Variants in IL6R observed in about 807,000 individuals in gnomAD.
The protein encoded by IL6R is interleukin 6 receptor.
Under a neutral mutation model 48.3 loss-of-function variants are expected in IL6R, and 38 were observed. That is an observed-to-expected ratio of 0.79 (90% CI 0.61 to 1.03). The LOEUF (loss-of-function observed/expected upper bound fraction) is 1.03. IL6R is among the 50% of genes least tolerant of loss of function. IL6R has a pLI of 0.00. For missense variants in IL6R, 534 were observed against 618.3 expected (o/e 0.86, Z 1.45); for synonymous variants, 264 against 256.2 (o/e 1.03, Z -0.29).
At chr1:154,448,557 C>G (rs1403553637) in intron 7 of IL6R, among the ~76,000 whole-genome samples, 1 of 152,184 alleles carries the variant, frequency 6.6e-6, no homozygotes, top group East Asian at 1.9e-4. Context: ...TAACAAATTC[C>G]TTGAGTAATC....
intron 8 of IL6R, among the ~76,000 whole-genome samples, chr1:154,452,445 C>T (rs1045892101): frequency 2.6e-5 from 4 of 152,234 alleles, no homozygotes; most frequent in Admixed American, 2.6e-4. Context: ...GACACGCTTC[C>T]TCTGACATTC....
At chr1:154,410,174 A>T (rs1055230385) in intron 1 of IL6R, among the ~76,000 whole-genome samples, 2 of 152,090 alleles carry the variant, frequency 1.3e-5, no homozygotes, top group Admixed American at 1.3e-4. Flanking sequence ...GAAGTGCTAA[A>T]TGCCAGGTCA....
chr1:154,413,064 C>T (rs1006241430), intron 1 of IL6R, among the ~76,000 whole-genome samples: 2 of 150,972 alleles, frequency 1.3e-5, no homozygotes, highest in Non-Finnish European at 2.9e-5. Flanking sequence ...TGCAGTGGCA[C>T]GATGTTGGCT....
At chr1:154,450,335 A>T (rs1208839526) in intron 8 of IL6R, among the ~76,000 whole-genome samples, 1 of 152,124 alleles carries the variant, frequency 6.6e-6, no homozygotes, top group Non-Finnish European at 1.5e-5. Context: ...TATGTTGGCC[A>T]GGCTGGTCTT....
chr1:154,424,939 C>T (rs1380513543), intron 1 of IL6R, among the ~76,000 whole-genome samples: 2 of 152,104 alleles, frequency 1.3e-5, no homozygotes, highest in Non-Finnish European at 2.9e-5. Context: ...GGGCTCACAA[C>T]TCCAAAGGGG....
intron 1 of IL6R, among the ~76,000 whole-genome samples, chr1:154,408,218 A>C (rs1687838898): frequency 6.6e-6 from 1 of 152,308 alleles, no homozygotes; most frequent in East Asian, 1.9e-4. Context: ...AGGCACTGTC[A>C]GGTTTGAGGA....
chr1:154,411,756 G>A lies in IL6R; in HGVS notation c.85+6042G>A, dbSNP rs553174494. ...GGTGTATCATGTCTGTCATCCCAGT[G>A]CTTTAGGAGGCCAAGGCAGGAGGAT... is the stretch of plus-strand genomic sequence containing the variant. On this transcript the variant is annotated intron_variant, in intron 1 of 9. Coordinates refer to ENST00000368485, the MANE Select transcript of IL6R (RefSeq NM_000565.4). Among the ~76,000 whole-genome samples the A allele has an allele frequency of 1.8e-3, 278 of 152,114 alleles. 1 individual carries two copies. The highest frequency in any genetic ancestry group is 6.5e-3 in the African/African-American group (270 of 41,486).
chr1:154,448,954 C>G (rs1271296804), intron 7 of IL6R, among the ~76,000 whole-genome samples: 4 of 126,676 alleles, frequency 3.2e-5, no homozygotes, highest in African/African-American at 6.0e-5. Context: ...ACTGCAGTGG[C>G]GCAATCTTGG....
chr1:154,415,157 A>G (rs1688261488), intron 1 of IL6R: 3 of 802,848 alleles, frequency 3.7e-6, no homozygotes, highest in Non-Finnish European at 6.3e-6. Flanking sequence ...CCTGCAGGAC[A>G]GGGCCCTAGG....
Position 154,429,345 on chromosome 1 carries a change from A to G in IL6R, c.235A>G (p.Arg79Gly). 1 of 1,614,128 alleles carries G rather than the reference A, an allele frequency of 6.2e-7. No individual in the cohort carries two copies. Among genetic ancestry groups the G allele is most frequent in the Non-Finnish European group, 8.5e-7 (1 of 1,180,016 alleles). Residue 79 changes from arginine to glycine, a missense_variant, in exon 2 of 10, where the codon AGG (arginine) becomes GGG (glycine). Arg to Gly is a moderately radical substitution (Grantham distance 125, BLOSUM62 -2). Coordinates refer to ENST00000368485, the MANE Select transcript of IL6R (RefSeq NM_000565.4). ...SHPSRWAGMG[R>G]RLLLRSVQLH... is the part of the protein sequence containing the mutation. ...CCCCAGCAGATGGGCTGGCATGGGA[A>G]GGAGGCTGCTGCTGAGGTCGGTGCA...
At chr1:154,436,155 A>T in intron 6 of IL6R, 45 bp downstream of exon 6, 1 of 1,562,306 alleles carries the variant, frequency 6.4e-7, no homozygotes, top group Non-Finnish European at 8.7e-7. Context: ...TTCAACTGTC[A>T]TTGCATCAGG....
intron 1 of IL6R, among the ~76,000 whole-genome samples, chr1:154,415,477 A>G (rs1407887182): frequency 1.3e-5 from 2 of 152,226 alleles, no homozygotes; most frequent in Non-Finnish European, 2.9e-5. Flanking sequence ...CATAGCGAGT[A>G]GTTAAAAGCA....
intron 9 of IL6R, among the ~76,000 whole-genome samples, chr1:154,456,793 A>G (rs1365701000): frequency 6.6e-6 from 1 of 151,834 alleles, no homozygotes; most frequent in Non-Finnish European, 1.5e-5. Context: ...TGGCAATAAG[A>G]GTCATTGGGT....
chr1:154,440,794 T>G (rs1224178239), intron 6 of IL6R, among the ~76,000 whole-genome samples: 1 of 152,076 alleles, frequency 6.6e-6, no homozygotes, highest in Admixed American at 6.6e-5. Context: ...TAGTTGAGAT[T>G]GGCATGCACC....
chr1:154,464,807 A>G (rs1691461641), intron 9 of IL6R, among the ~76,000 whole-genome samples: 1 of 151,986 alleles, frequency 6.6e-6, no homozygotes, highest in African/African-American at 2.4e-5. Flanking sequence ...AGAAATACAA[A>G]AATCAGTCGG....
At chr1:154,421,023 A>T (rs1432987709) in intron 1 of IL6R, among the ~76,000 whole-genome samples, 1 of 152,168 alleles carries the variant, frequency 6.6e-6, no homozygotes, top group Non-Finnish European at 1.5e-5. Flanking sequence ...TCTTAGTCCC[A>T]GGTGAGGTGC....
chr1:154,423,260 A>ATATATATATATAT (rs1688781626), intron 1 of IL6R, among the ~76,000 whole-genome samples: 1 of 85,476 alleles, frequency 1.2e-5, no homozygotes, highest in Non-Finnish European at 2.6e-5. Flanking sequence ...TGTTTAATTA[A>ATATATATATATAT]ATATATATAT....
At chr1:154,410,425 G>GT (rs1687955691) in intron 1 of IL6R, among the ~76,000 whole-genome samples, 1 of 152,038 alleles carries the variant, frequency 6.6e-6, no homozygotes, top group Non-Finnish European at 1.5e-5. Context: ...CTAATTTTTT[G>GT]TATTTCTTGT....
At position 154,429,209 on chromosome 1, in the gene IL6R, C is replaced by T. The variant is rs538533109; in HGVS notation, c.99C>T (p.Gly33=). 70 of 1,611,598 alleles carry T rather than the reference C, an allele frequency of 4.3e-5. 2 individuals are homozygous for T. The South Asian group carries it at 6.3e-4, about 14-fold the overall frequency. ...RRCPAQEVAR[G]VLTSLPGDSV... ...TCCCTCCTCCAGAGGTGGCGAGAGG[C>T]GTGCTGACCAGTCTGCCAGGAGACA... The change falls in exon 2 of 10, where the codon GGC becomes GGT. Residue 33 remains glycine (G), a synonymous_variant. Coordinates refer to ENST00000368485, the MANE Select transcript of IL6R (RefSeq NM_000565.4).
Sources: allele counts gnomAD v4.1 joint callset (sites outside exome capture counted in the v4.1 genomes callset), GRCh38; gene constraint gnomAD v4.1.1; transcripts MANE v1.5; gene names NCBI Gene and HGNC (gene_info 2026-07-23, HGNC 2026-07-21).